ATP9B: variants seen among roughly 807,000 people sequenced by gnomAD.
The protein encoded by ATP9B is probable phospholipid-transporting ATPase IIB.
In ATP9B, 110 loss-of-function variants were observed where a neutral mutation model predicts 146.1. The ratio of observed to expected loss-of-function variants is 0.75; its 90% CI spans 0.65 to 0.88. The LOEUF (loss-of-function observed/expected upper bound fraction) is 0.88, where lower values mean the gene tolerates loss of function less well. Ranked by LOEUF, ATP9B falls within the 40% of genes least tolerant of loss-of-function variation. ATP9B has a pLI of 0.00. For missense variants in ATP9B, 1,499 were observed against 1,496.4 expected (o/e 1.00, Z -0.03); for synonymous variants, 604 against 569.7 (o/e 1.06, Z -0.86).
chr18:79,239,298 T>C lies in ATP9B; in HGVS notation c.1108-14083T>C, dbSNP rs1192374672. On this transcript the variant is annotated intron_variant, in intron 11 of 29. Transcript: ENST00000426216. The surrounding 1 kb of genome is among the most constrained non-coding windows in gnomAD (Gnocchi z 5.1). ...CCTCTTATTTCCACCGCTCCACAAT[T>C]CATGACAAGTGCTGCATCTTGAAAC... 6.6e-6 allele frequency among the ~76,000 whole-genome samples: 1 copy of C among 152,192 alleles called. No individual in the cohort carries two copies. The highest frequency in any genetic ancestry group is 1.9e-4 in the East Asian group (1 of 5,202).
chr18:79,201,993 G>A (rs1321127142), intron 9 of ATP9B, among the ~76,000 whole-genome samples: 1 of 152,178 alleles, frequency 6.6e-6, no homozygotes, highest in Non-Finnish European at 1.5e-5. Flanking sequence ...TTGAGGTGGA[G>A]CCTGCCCTGA....
At chr18:79,124,975 G>T (rs975274059) in intron 4 of ATP9B, among the ~76,000 whole-genome samples, 3 of 152,214 alleles carry the variant, frequency 2.0e-5, no homozygotes, top group African/African-American at 7.2e-5. Context: ...CCAGGAGAAT[G>T]TGGTGTCCAG....
At chr18:79,307,764 A>G (rs967332226) in intron 15 of ATP9B, among the ~76,000 whole-genome samples, 1 of 152,252 alleles carries the variant, frequency 6.6e-6, no homozygotes, top group Non-Finnish European at 1.5e-5. Context: ...TTCTAACTTT[A>G]CATCACTCTT....
chr18:79,214,164 G>T (rs544080241), intron 11 of ATP9B, 126 bp downstream of exon 11: 2 of 521,808 alleles, frequency 3.8e-6, no homozygotes, highest in Admixed American at 8.5e-5. Flanking sequence ...TTTCAAAAAT[G>T]TTGGTGACTT....
At chr18:79,311,304 A>T (rs553918882) in intron 15 of ATP9B, among the ~76,000 whole-genome samples, 1 of 152,274 alleles carries the variant, frequency 6.6e-6, no homozygotes, top group Admixed American at 6.5e-5. Flanking sequence ...AAGTTTGATA[A>T]ACGGGTGAAT....
At chr18:79,183,224 A>G (rs895875668) in intron 8 of ATP9B, among the ~76,000 whole-genome samples, 1 of 152,208 alleles carries the variant, frequency 6.6e-6, no homozygotes, top group African/African-American at 2.4e-5. Flanking sequence ...TAGCTTCCAT[A>G]GCTGACCTGA....
intron 15 of ATP9B, among the ~76,000 whole-genome samples, chr18:79,325,738 A>C (rs532633178): frequency 4.6e-5 from 7 of 152,262 alleles, no homozygotes; most frequent in Admixed American, 3.9e-4. Flanking sequence ...CACCGGTGAC[A>C]CCATCGCGAT....
intron 1 of ATP9B, among the ~76,000 whole-genome samples, chr18:79,084,258 A>G (rs2073588972): frequency 6.6e-6 from 1 of 151,664 alleles, no homozygotes; most frequent in Non-Finnish European, 1.5e-5. Context: ...CCCGTTGGGT[A>G]CCCCGGGTAT....
At chr18:79,186,569 A>G (rs1466996732) in intron 8 of ATP9B, among the ~76,000 whole-genome samples, 1 of 152,220 alleles carries the variant, frequency 6.6e-6, no homozygotes, top group Non-Finnish European at 1.5e-5. Context: ...ACAGTGTCAT[A>G]TTTAAATGAT....
chr18:79,219,799 T>A (rs540131585), intron 11 of ATP9B, among the ~76,000 whole-genome samples: 13 of 152,302 alleles, frequency 8.5e-5, no homozygotes, highest in African/African-American at 3.1e-4. Context: ...AATGCTTCAG[T>A]AAAATCTGAT....
chr18:79,377,085 C>T lies in ATP9B; in HGVS notation c.3308-162C>T, dbSNP rs368268660. ...TATGCAGGTCAAACAATTCTGCAGTCAAGAAAACCTGAGATTTGGAGCTGG... is the reference window on the plus strand; with the variant it reads ...TATGCAGGTCAAACAATTCTGCAGTTAAGAAAACCTGAGATTTGGAGCTGG... On this transcript the variant is annotated intron_variant, in intron 29 of 29. Transcript: ENST00000426216. Among the ~76,000 whole-genome samples the T allele has an allele frequency of 1.8e-4, 27 of 152,320 alleles. No individual in the cohort carries two copies. In the South Asian group the frequency reaches 5.4e-3, roughly 30 times the overall value.
chr18:79,336,329 G>T (rs1267646469), intron 17 of ATP9B, among the ~76,000 whole-genome samples: 1 of 152,384 alleles, frequency 6.6e-6, no homozygotes, highest in East Asian at 1.9e-4. Context: ...GTGGTAAAAA[G>T]AAGCTCTGCT....
intron 23 of ATP9B, among the ~76,000 whole-genome samples, chr18:79,346,970 C>T (rs989986874): frequency 2.0e-5 from 3 of 152,206 alleles, no homozygotes; most frequent in Non-Finnish European, 4.4e-5. Flanking sequence ...GCCTAGCCCT[C>T]GGCGACTTGC....
chr18:79,171,233 TA>T (rs1178801472), intron 7 of ATP9B, among the ~76,000 whole-genome samples: 4 of 152,252 alleles, frequency 2.6e-5, no homozygotes, highest in Non-Finnish European at 5.9e-5. Context: ...GTTGCTTCAG[TA>T]CCATTGTAGT....
intron 26 of ATP9B, chr18:79,360,795 CATCG>C (rs1259574186): frequency 6.6e-6 from 1 of 152,214 alleles, no homozygotes; most frequent in Non-Finnish European, 1.5e-5. Flanking sequence ...ATGGTGGCAT[CATCG>C]TGACTACTGG....
chr18:79,376,675 C>T (rs1360468177), intron 29 of ATP9B, among the ~76,000 whole-genome samples: 6 of 151,448 alleles, frequency 4.0e-5, no homozygotes, highest in African/African-American at 1.5e-4. Flanking sequence ...CAGGCGTGAG[C>T]CACCATGGCC....
chr18:79,275,948 A>G (rs2096304035), intron 12 of ATP9B, among the ~76,000 whole-genome samples: 1 of 152,192 alleles, frequency 6.6e-6, no homozygotes, highest in Admixed American at 6.5e-5. Context: ...TTACATACAG[A>G]CTTCCTTCAT....
At chr18:79,274,183 A>G (rs1568550476) in intron 12 of ATP9B, among the ~76,000 whole-genome samples, 1 of 152,228 alleles carries the variant, frequency 6.6e-6, no homozygotes, top group Non-Finnish European at 1.5e-5. Context: ...GGGGTGACAT[A>G]TTATGTTACA....
At chr18:79,069,764 G>A (rs1029994606) in intron 1 of ATP9B, among the ~76,000 whole-genome samples, 3 of 152,236 alleles carry the variant, frequency 2.0e-5, no homozygotes, top group African/African-American at 7.2e-5. Flanking sequence ...CCTGGGCCGA[G>A]CGTAGGAGCC....
Sources: allele counts gnomAD v4.1 joint callset (sites outside exome capture counted in the v4.1 genomes callset), GRCh38; gene constraint gnomAD v4.1.1; non-coding constraint Gnocchi (gnomAD v3.1); transcripts MANE v1.5; gene names NCBI Gene and HGNC (gene_info 2026-07-23, HGNC 2026-07-21).